Variants in KCNK9 observed in about 807,000 individuals in gnomAD.
KCNK9 encodes potassium two pore domain channel subfamily K member 9, also known as potassium channel subfamily K member 9.
KCNK9 carries 1 observed loss-of-function variant against 10.8 expected under a neutral mutation model. That is an observed-to-expected ratio of 0.09 (90% confidence interval 0.03 to 0.44). The LOEUF (loss-of-function observed/expected upper bound fraction) is 0.44. Ranked by LOEUF, KCNK9 falls within the 20% of genes least tolerant of loss-of-function variation. KCNK9 has a pLI of 0.97. For synonymous variants in KCNK9, 231 were observed against 222.7 expected, an observed-to-expected ratio of 1.04 and a Z score of -0.33; for missense variants, 303 against 515.0, an observed-to-expected ratio of 0.59 and a Z score of 3.98.
At chr8:139,673,008 C>G (rs1816469927) in intron 1 of KCNK9, among the ~76,000 whole-genome samples, 1 of 152,196 alleles carries the variant, frequency 6.6e-6, no homozygotes, top group African/African-American at 2.4e-5. Context: ...AATGAATAAC[C>G]AGAGGCTCAA....
In KCNK9 at chr8:139,661,452, C is replaced by T. The variant is rs114388645; in HGVS notation, c.283+41258G>A. The stretch of plus-strand genomic sequence containing the variant: ...AGCTGTATAGAAATGGCCAAAAGTA[C>T]ACAAGGTAGGGTCGTGGGTGTCCCC... On this transcript the variant is annotated intron_variant, in intron 1 of 1. Coordinates refer to ENST00000520439, the MANE Select transcript of KCNK9 (RefSeq NM_001282534.2). Among the ~76,000 whole-genome samples, 585 of 152,270 alleles carry T rather than the reference C, an allele frequency of 3.8e-3. 5 individuals carry two copies. Among genetic ancestry groups the T allele is most frequent in the African/African-American group, 0.012 (517 of 41,554 alleles).
chr8:139,631,090 T>G (rs1365804382), intron 1 of KCNK9, among the ~76,000 whole-genome samples: 1 of 152,164 alleles, frequency 6.6e-6, no homozygotes, highest in African/African-American at 2.4e-5. Context: ...CGGCCCCGGG[T>G]GCGGGGTCGG....
At chr8:139,683,721 C>G (rs992694479) in intron 1 of KCNK9, among the ~76,000 whole-genome samples, 1 of 152,334 alleles carries the variant, frequency 6.6e-6, no homozygotes, top group African/African-American at 2.4e-5. Flanking sequence ...GTGTGAAGGG[C>G]CACTGAACAG....
intron 1 of KCNK9, among the ~76,000 whole-genome samples, chr8:139,667,836 G>A (rs760375014): frequency 7.9e-5 from 12 of 151,896 alleles, no homozygotes; most frequent in South Asian, 4.2e-4. Flanking sequence ...AGCTGAGATC[G>A]TGCCACTGCA....
intron 1 of KCNK9, among the ~76,000 whole-genome samples, chr8:139,679,489 G>A (rs989906643): frequency 1.3e-5 from 2 of 152,240 alleles, no homozygotes; most frequent in African/African-American, 4.8e-5. Context: ...AGTCAACACA[G>A]TCTAGCGATC....
intron 1 of KCNK9, among the ~76,000 whole-genome samples, chr8:139,635,917 A>T (rs1376770127): frequency 1.3e-5 from 2 of 152,184 alleles, no homozygotes; most frequent in Non-Finnish European, 2.9e-5. Flanking sequence ...TCATATTGCC[A>T]ATAAAAATTC....
intron 1 of KCNK9, among the ~76,000 whole-genome samples, chr8:139,641,394 CCAGA>C (rs1371561556): frequency 6.6e-5 from 10 of 152,156 alleles, no homozygotes; most frequent in Admixed American, 6.5e-4. Context: ...AGGGCTCAGC[CCAGA>C]CAATCAAGCC....
At position 139,627,533 on chromosome 8, in the gene KCNK9, C is replaced by T. The variant is rs113558683; in HGVS notation, c.284-8434G>A. On this transcript the variant is annotated intron_variant, in intron 1 of 1. Transcript: ENST00000520439. ...TGAACTCAGCCACAGAAGATAACAT[C>T]CCGACCCCGATCTCAGAGATGGGAA... Among the ~76,000 whole-genome samples, 251 of 152,308 alleles carry T rather than the reference C, an allele frequency of 1.6e-3. 2 individuals are homozygous for T. The highest frequency in any genetic ancestry group is 5.6e-3 in the African/African-American group (234 of 41,562).
intron 1 of KCNK9, among the ~76,000 whole-genome samples, chr8:139,655,585 G>A (rs1233322734): frequency 6.6e-6 from 1 of 152,194 alleles, no homozygotes; most frequent in Non-Finnish European, 1.5e-5. Context: ...CTGAATGGGG[G>A]ACAAGTCCCA....
intron 1 of KCNK9, among the ~76,000 whole-genome samples, chr8:139,677,730 G>A (rs5015223): frequency 0.52 from 74,794 of 142,918 alleles, 20,286 homozygotes; most frequent in South Asian, 0.59. Context: ...CCAGCCCAAC[G>A]GGTCCCTACA....
At chr8:139,684,079 G>A (rs768739315) in intron 1 of KCNK9, among the ~76,000 whole-genome samples, 2 of 152,116 alleles carry the variant, frequency 1.3e-5, no homozygotes, top group Non-Finnish European at 2.9e-5. Context: ...CAGGTCCCAG[G>A]TGGTCCTGGA....
At chr8:139,644,719 C>CCA (rs1554622183) in intron 1 of KCNK9, among the ~76,000 whole-genome samples, 1 of 150,494 alleles carries the variant, frequency 6.6e-6, no homozygotes, top group Admixed American at 6.6e-5. Context: ...GCCCTGTCCC[C>CCA]CCCCCCCAGA....
At chr8:139,664,026 C>G (rs138107072) in intron 1 of KCNK9, among the ~76,000 whole-genome samples, 2 of 152,172 alleles carry the variant, frequency 1.3e-5, no homozygotes, top group African/African-American at 4.8e-5. Flanking sequence ...TTGCGGCTAT[C>G]CTACAGAGGA....
At chr8:139,609,305 A>G (rs1408698726), downstream of KCNK9, among the ~76,000 whole-genome samples, 4 of 129,964 alleles carry the variant, frequency 3.1e-5, no homozygotes, top group African/African-American at 1.2e-4. Context: ...AAACATCTTC[A>G]CTTGCACGGT....
intron 1 of KCNK9, among the ~76,000 whole-genome samples, chr8:139,698,033 G>C (rs914570493): frequency 6.6e-6 from 1 of 152,196 alleles, no homozygotes; most frequent in Non-Finnish European, 1.5e-5. Context: ...CTGCTGGGCA[G>C]TTCTACTGAA....
chr8:139,665,554 G>A (rs1000871799), intron 1 of KCNK9, among the ~76,000 whole-genome samples: 1 of 152,226 alleles, frequency 6.6e-6, no homozygotes, highest in Non-Finnish European at 1.5e-5. Flanking sequence ...GGGGCTGAAG[G>A]AGAAGACACT....
chr8:139,698,628 CCCT>C (rs1393959761), intron 1 of KCNK9, among the ~76,000 whole-genome samples: 3 of 152,184 alleles, frequency 2.0e-5, no homozygotes, highest in South Asian at 2.1e-4. Flanking sequence ...GTTTCCAGCT[CCCT>C]CCTCCTCACT....
intron 1 of KCNK9, among the ~76,000 whole-genome samples, chr8:139,633,919 G>A (rs959305110): frequency 2.0e-5 from 3 of 152,244 alleles, no homozygotes; most frequent in African/African-American, 7.2e-5. Flanking sequence ...TCTGCCCTTT[G>A]GTTCCCCAGA....
At chr8:139,642,644 G>C (rs1586656596) in intron 1 of KCNK9, among the ~76,000 whole-genome samples, 1 of 152,344 alleles carries the variant, frequency 6.6e-6, no homozygotes, top group South Asian at 2.1e-4. Context: ...CAGGGATTCA[G>C]TGGGGAGCAG....
Sources: allele counts gnomAD v4.1 joint callset (sites outside exome capture counted in the v4.1 genomes callset), GRCh38; gene constraint gnomAD v4.1.1; transcripts MANE v1.5; gene names NCBI Gene and HGNC (gene_info 2026-07-23, HGNC 2026-07-21).